SAMMSON: variants seen among roughly 807,000 people sequenced by gnomAD.
SAMMSON encodes the protein survival associated mitochondrial melanoma specific oncogenic non-coding RNA, also known as long intergenic non-protein coding RNA 1212.
rs1193657961 is a variant in SAMMSON at position 70,365,970 on chromosome 3, CTTTTTTTTTTTTTTTTT to C, written n.913+7661_913+7677del. On this transcript the variant is annotated intron_variant and non_coding_transcript_variant, in intron 9 of 9. Transcript: ENST00000642114. ...AAAAATTGTTTGTGCTTTACCTTTT[CTTTTTTTTTTTTTTTTT>C]TTTTTTTTTTTTTTGAGACGGAGTC... Among the ~76,000 whole-genome samples the C allele has an allele frequency of 7.2e-5, 2 of 27,766 alleles. 1 individual carries two copies. Among genetic ancestry groups the C allele is most frequent in the African/African-American group, 2.7e-4 (2 of 7,488 alleles). 18.2% of individuals were successfully genotyped at this position (27,766 alleles called of 152,430 possible).
intron 7 of SAMMSON, among the ~76,000 whole-genome samples, chr3:70,348,781 T>C (rs1028016590): frequency 1.3e-5 from 2 of 152,154 alleles, no homozygotes; most frequent in Admixed American, 6.5e-5. Flanking sequence ...CAGAGGACTT[T>C]GCAGGCTGTT....
intron 1 of SAMMSON, among the ~76,000 whole-genome samples, chr3:70,007,558 G>A (rs542635681): frequency 1.3e-5 from 2 of 152,074 alleles, no homozygotes; most frequent in South Asian, 4.1e-4. Flanking sequence ...TTTGTCAGAT[G>A]AGTAGACTGC....
In SAMMSON at chr3:70,093,945, T is replaced by C. The variant is rs537475738; in HGVS notation, n.507+22380T>C. 3.3e-5 allele frequency among the ~76,000 whole-genome samples: 5 copies of C among 152,182 alleles called. No individual in the cohort carries two copies. In the South Asian group the frequency reaches 1.0e-3, roughly 31 times the overall value. On this transcript the variant is annotated intron_variant and non_coding_transcript_variant, in intron 4 of 9. Coordinates refer to ENST00000642114, the Ensembl canonical transcript of SAMMSON. ...CCTTTGAGGGACGTTTTGCAACCCC[T>C]AACCTTCTGTAGTAAATTTTCAATG...
intron 7 of SAMMSON, among the ~76,000 whole-genome samples, chr3:70,341,690 G>A (rs1702711292): frequency 6.6e-6 from 1 of 152,128 alleles, no homozygotes; most frequent in Non-Finnish European, 1.5e-5. Context: ...ATGCCTGGAG[G>A]TGCAGTGGTC....
At chr3:70,006,333 A>T (rs1416003679) in intron 1 of SAMMSON, among the ~76,000 whole-genome samples, 1 of 152,184 alleles carries the variant, frequency 6.6e-6, no homozygotes, top group African/African-American at 2.4e-5. Flanking sequence ...GGAAACCAAT[A>T]ACCACATCAT....
At chr3:70,244,883 A>G (rs1181124185) in intron 4 of SAMMSON, among the ~76,000 whole-genome samples, 2 of 152,198 alleles carry the variant, frequency 1.3e-5, no homozygotes, top group African/African-American at 4.8e-5. Context: ...AGAATAATGT[A>G]CTTTAAAAAG....
chr3:70,282,313 A>G (rs999267949), intron 6 of SAMMSON, among the ~76,000 whole-genome samples: 31 of 152,298 alleles, frequency 2.0e-4, no homozygotes, highest in African/African-American at 7.0e-4. Flanking sequence ...AGATGTATCC[A>G]CCACATGGAA....
intron 9 of SAMMSON, among the ~76,000 whole-genome samples, chr3:70,378,738 A>G (rs1392486008): frequency 6.6e-6 from 1 of 152,126 alleles, no homozygotes; most frequent in African/African-American, 2.4e-5. Flanking sequence ...AATCTACCCC[A>G]AAACACATTG....
At chr3:70,366,917 TAGTGAC>T (rs1204067480) in intron 9 of SAMMSON, among the ~76,000 whole-genome samples, 1 of 151,750 alleles carries the variant, frequency 6.6e-6, no homozygotes, top group Non-Finnish European at 1.5e-5. Context: ...TGCATTTTCT[TAGTGAC>T]AAATGAGGTT....
chr3:70,355,691 A>G (rs9864822), intron 8 of SAMMSON, among the ~76,000 whole-genome samples: 14,504 of 152,186 alleles, frequency 0.095, 1,157 homozygotes, highest in East Asian at 0.48. Flanking sequence ...AGAAATTATT[A>G]AATAAGTAAT....
intron 4 of SAMMSON, among the ~76,000 whole-genome samples, chr3:70,118,963 T>G (rs1027888446): frequency 5.3e-5 from 8 of 152,186 alleles, no homozygotes; most frequent in African/African-American, 1.9e-4. Context: ...CCAGCTACAC[T>G]TAGCAACTTT....
intron 7 of SAMMSON, among the ~76,000 whole-genome samples, chr3:70,295,470 G>T (rs946877740): frequency 3.9e-5 from 6 of 152,020 alleles, no homozygotes; most frequent in Non-Finnish European, 7.4e-5. Flanking sequence ...TTGGGAGGCC[G>T]AGTGAGATAA....
chr3:70,335,145 C>T (rs1038140129), intron 7 of SAMMSON, among the ~76,000 whole-genome samples: 1 of 151,930 alleles, frequency 6.6e-6, no homozygotes, highest in South Asian at 2.1e-4. Flanking sequence ...ACACGTAGCA[C>T]AGTGCTTGAC....
intron 7 of SAMMSON, among the ~76,000 whole-genome samples, chr3:70,301,145 A>T (rs1158575947): frequency 1.3e-5 from 2 of 152,128 alleles, no homozygotes; most frequent in Non-Finnish European, 2.9e-5. Flanking sequence ...TTCTTCTGAG[A>T]CACAGCTGTA....
chr3:70,386,830 T>A (rs534640443), intron 9 of SAMMSON, among the ~76,000 whole-genome samples: 3 of 152,088 alleles, frequency 2.0e-5, no homozygotes, highest in African/African-American at 7.2e-5. Flanking sequence ...GTTTTACATT[T>A]AATGAAAAAA....
intron 6 of SAMMSON, among the ~76,000 whole-genome samples, chr3:70,258,511 C>A (rs1047640888): frequency 5.3e-5 from 8 of 152,066 alleles, no homozygotes; most frequent in African/African-American, 1.7e-4. Flanking sequence ...CTAGACTATC[C>A]AGTCACATGA....
chr3:70,003,851 A>G (rs190823969), intron 1 of SAMMSON, among the ~76,000 whole-genome samples: 1 of 152,128 alleles, frequency 6.6e-6, no homozygotes, highest in African/African-American at 2.4e-5. Flanking sequence ...TTTAGAATGA[A>G]AATGTCTTTA....
chr3:70,176,772 G>C (rs993146381), intron 4 of SAMMSON, among the ~76,000 whole-genome samples: 1 of 152,112 alleles, frequency 6.6e-6, no homozygotes, highest in Non-Finnish European at 1.5e-5. Flanking sequence ...ATACATAAAT[G>C]ATCAAATATT....
At chr3:70,032,454 G>A (rs2067069731) in intron 3 of SAMMSON, among the ~76,000 whole-genome samples, 1 of 152,144 alleles carries the variant, frequency 6.6e-6, no homozygotes, top group Admixed American at 6.6e-5. Context: ...AGAGGATTTT[G>A]CTTTCTCTGT....
Sources: allele counts gnomAD v4.1 joint callset (sites outside exome capture counted in the v4.1 genomes callset), GRCh38; gene constraint gnomAD v4.1.1; transcripts MANE v1.5; gene names NCBI Gene and HGNC (gene_info 2026-07-23, HGNC 2026-07-21).